The following PATL2 variants were observed in gnomAD, a reference collection of about 807,000 sequenced individuals.
PATL2 encodes the protein PAT1 homolog 2, also known as protein PAT1 homolog 2.
Under a neutral mutation model 77.0 loss-of-function variants are expected in PATL2, and 73 were observed. The observed-to-expected ratio is 0.95, with a 90% CI of 0.78 to 1.15. The LOEUF (loss-of-function observed/expected upper bound fraction) is 1.15, where lower values mean the gene tolerates loss of function less well. Among genes scored for constraint, PATL2 ranks in the 50% most tolerant of loss-of-function variants. The probability of loss-of-function intolerance (pLI) is 0.00; values close to 1 mark genes in which losing one functional copy is unlikely to be tolerated. For synonymous variants in PATL2, 265 were observed against 257.1 expected (o/e 1.03, Z -0.29); for missense variants, 618 against 655.4 (o/e 0.94, Z 0.62).
intron 3 of PATL2, among the ~76,000 whole-genome samples, chr15:44,685,470 T>C (rs2141235126): frequency 6.6e-6 from 1 of 152,238 alleles, no homozygotes; most frequent in Middle Eastern, 3.4e-3. Context: ...TAGCTGGGCC[T>C]GGTGGCACAC....
chr15:44,683,231 C>T (rs182817665), intron 3 of PATL2, among the ~76,000 whole-genome samples: 8 of 152,114 alleles, frequency 5.3e-5, no homozygotes, highest in Non-Finnish European at 8.8e-5. Flanking sequence ...GGCATGCCAG[C>T]GAGACAGAAC....
intron 3 of PATL2, among the ~76,000 whole-genome samples, chr15:44,688,328 C>G (rs1322158277): frequency 6.6e-6 from 1 of 151,076 alleles, no homozygotes; most frequent in East Asian, 1.9e-4. Flanking sequence ...ACTTTCTTCA[C>G]AGAATTAGAA....
At chr15:44,667,243 C>T in intron 15 of PATL2, 40 bp from the exon 16 acceptor site, 1 of 1,430,960 alleles carries the variant, frequency 7.0e-7, no homozygotes, top group Non-Finnish European at 9.6e-7. Context: ...AAAATGAGTT[C>T]ACACTCGGCA....
At chr15:44,698,707 A>C (rs1460875284) in intron 3 of PATL2, among the ~76,000 whole-genome samples, 1 of 152,248 alleles carries the variant, frequency 6.6e-6, no homozygotes, top group African/African-American at 2.4e-5. Context: ...TAAACATGAA[A>C]ATGCAGATAT....
chr15:44,673,396 G>C lies in PATL2; in HGVS notation c.304-19C>G. The C allele has an allele frequency of 3.2e-6, 5 of 1,551,296 alleles. No individual in the cohort carries two copies. Among genetic ancestry groups the C allele is most frequent in the Non-Finnish European group, 4.4e-6 (5 of 1,146,744 alleles). ...CCAAGGTCTGAGAGAGGAATTAAGA[G>C]GTCTGGGAGAACGCCATCTCCACCA... On this transcript the variant is annotated intron_variant, in intron 6 of 17. Transcript: ENST00000682850.
intron 3 of PATL2, among the ~76,000 whole-genome samples, chr15:44,677,965 G>A (rs951233607): frequency 6.6e-6 from 1 of 152,098 alleles, no homozygotes; most frequent in African/African-American, 2.4e-5. Flanking sequence ...AGCCTCCCGA[G>A]TAGCTGGGAT....
intron 3 of PATL2, among the ~76,000 whole-genome samples, chr15:44,682,863 G>A (rs1390474440): frequency 3.3e-5 from 5 of 152,182 alleles, no homozygotes; most frequent in Admixed American, 6.5e-5. Flanking sequence ...CAGAAAGTGG[G>A]TGATTTCTGC....
At chr15:44,690,341 T>A (rs2468076) in intron 3 of PATL2, among the ~76,000 whole-genome samples, 81,712 of 138,718 alleles carry the variant, frequency 0.59, 22,778 homozygotes, top group African/African-American at 0.74. Flanking sequence ...AGTCAAAATA[T>A]TTTTTTTTTT....
Position 44,672,170 on chromosome 15 carries a change from G to A in PATL2, c.516-14C>T, listed in dbSNP as rs1307652377. On this transcript the variant is annotated splice_polypyrimidine_tract_variant and intron_variant, in intron 8 of 17. Transcript: ENST00000682850. ...TTGGCTGGGGGACTTTAAGCCAGGA[G>A]GAACAACCCTTTAGACTTACCCACC... is the stretch of plus-strand genomic sequence containing the variant. The A allele has an allele frequency of 6.4e-7, 1 of 1,551,692 alleles. No individual in the cohort carries two copies.
At chr15:44,666,280 A>G in intron 17 of PATL2, 112 bp downstream of exon 17, 1 of 1,398,282 alleles carries the variant, frequency 7.2e-7, no homozygotes, top group South Asian at 1.3e-5. Context: ...CACTTCTAAA[A>G]ACACATGATC....
At chr15:44,672,941 G>A (rs2085763168) in intron 7 of PATL2, among the ~76,000 whole-genome samples, 1 of 152,042 alleles carries the variant, frequency 6.6e-6, no homozygotes, top group Non-Finnish European at 1.5e-5. Context: ...TGTATATTTA[G>A]TGGAGACACA....
chr15:44,674,465 G>A (rs866297895), intron 5 of PATL2: 2 of 478,862 alleles, frequency 4.2e-6, no homozygotes, highest in South Asian at 6.3e-5. Context: ...AGACATATAT[G>A]TTCCGAGACC....
chr15:44,668,881 C>T, intron 14 of PATL2, 99 bp downstream of exon 14: 2 of 1,376,854 alleles, frequency 1.5e-6, no homozygotes, highest in Non-Finnish European at 1.9e-6. Context: ...GTGCCCAGCA[C>T]CTTCTCTGGC....
intron 16 of PATL2, 56 bp from the exon 17 acceptor site, chr15:44,666,597 G>T: frequency 1.4e-6 from 2 of 1,440,036 alleles, no homozygotes; most frequent in South Asian, 1.5e-5. Flanking sequence ...AACAGACTCA[G>T]GGCCAAGGTT....
chr15:44,676,926 T>C (rs772312549), intron 3 of PATL2: 10 of 1,013,444 alleles, frequency 9.9e-6, no homozygotes, highest in Non-Finnish European at 1.2e-5. Context: ...CCAGGACCTG[T>C]TTGCCGCTCC....
At chr15:44,688,319 C>T (rs1302315960) in intron 3 of PATL2, among the ~76,000 whole-genome samples, 1 of 151,188 alleles carries the variant, frequency 6.6e-6, no homozygotes, top group Non-Finnish European at 1.5e-5. Context: ...CTACCATTTA[C>T]TTTCTTCACA....
At chr15:44,677,635 C>T (rs1236893972) in intron 3 of PATL2, among the ~76,000 whole-genome samples, 2 of 152,120 alleles carry the variant, frequency 1.3e-5, no homozygotes, top group African/African-American at 4.8e-5. Flanking sequence ...AGCTGAAACC[C>T]ACATGACTTT....
At position 44,669,544 on chromosome 15, in the gene PATL2, C is replaced by G; in HGVS notation, c.896G>C (p.Ser299Thr). 1 of 1,551,446 alleles carries G rather than the reference C, an allele frequency of 6.4e-7. No homozygotes were observed. Among genetic ancestry groups the G allele is most frequent in the Non-Finnish European group, 8.7e-7 (1 of 1,146,948 alleles). The change falls in exon 12 of 18, where the codon AGT becomes ACT. Residue 299 changes from serine (S) to threonine (T), a missense_variant. Physicochemically the swap from Ser to Thr is moderately conservative, Grantham distance 58 (BLOSUM62 1). Coordinates refer to ENST00000682850, the MANE Select transcript of PATL2 (RefSeq NM_001387263.1). ...CCGGTATAATACCCGAAGCCTCTGA[C>G]TGCTTGCAGCTTCTATATCCTAGGA... ...TQEQDIEAAS[S>T]QRLRVLYRIE...
chr15:44,689,372 A>G (rs985029767), intron 3 of PATL2, among the ~76,000 whole-genome samples: 2 of 152,244 alleles, frequency 1.3e-5, no homozygotes, highest in African/African-American at 4.8e-5. Flanking sequence ...TACATACCCA[A>G]AGGATTATAA....
Sources: gnomAD v4.1 joint callset for allele counts (sites outside exome capture counted in the v4.1 genomes callset) on GRCh38, gnomAD v4.1.1 for gene constraint, MANE v1.5 for transcripts, NCBI Gene and HGNC (gene_info 2026-07-23, HGNC 2026-07-21) for gene names.